The following KAZN variants were observed in gnomAD, a reference collection of about 807,000 sequenced individuals.
The protein encoded by KAZN is kazrin, periplakin interacting protein.
Under a neutral mutation model 87.4 loss-of-function variants are expected in KAZN, and 40 were observed. The ratio of observed to expected loss-of-function variants is 0.46; its 90% CI spans 0.36 to 0.60. The LOEUF (loss-of-function observed/expected upper bound fraction) is 0.60, where lower values mean the gene tolerates loss of function less well. Among genes scored for constraint, KAZN ranks in the 20% least tolerant of loss-of-function variants. The pLI is 0.00. For missense variants in KAZN, 898 were observed against 1,073.9 expected (o/e 0.84, Z 2.29); for synonymous variants, 466 against 458.3 (o/e 1.02, Z -0.22).
At chr1:14,464,597 G>C (rs180952716) in intron 2 of KAZN, among the ~76,000 whole-genome samples, 1 of 151,404 alleles carries the variant, frequency 6.6e-6, no homozygotes, top group East Asian at 2.0e-4. Context: ...GGAGTGCAGT[G>C]GCGTGATTTC....
intron 2 of KAZN, among the ~76,000 whole-genome samples, chr1:14,382,659 T>C (rs1661476556): frequency 6.8e-6 from 1 of 147,320 alleles, no homozygotes; most frequent in African/African-American, 2.5e-5. Context: ...GATCATTTTT[T>C]ATGGCTGCAT....
chr1:13,903,645 A>C (rs1639330019), intron 1 of KAZN, among the ~76,000 whole-genome samples: 1 of 152,214 alleles, frequency 6.6e-6, no homozygotes, highest in East Asian at 1.9e-4. Context: ...CATATAGTGA[A>C]GACGAGTTAG....
intron 2 of KAZN, among the ~76,000 whole-genome samples, chr1:14,301,416 G>T (rs1381962083): frequency 3.9e-5 from 6 of 152,140 alleles, no homozygotes; most frequent in Admixed American, 1.3e-4. Flanking sequence ...TCATCTACAG[G>T]TTTGCATGAT....
At chr1:14,538,821 G>C (rs1475592258) in intron 2 of KAZN, among the ~76,000 whole-genome samples, 2 of 152,128 alleles carry the variant, frequency 1.3e-5, no homozygotes, top group Non-Finnish European at 2.9e-5. Flanking sequence ...CTTAACACCA[G>C]AATGATAGCC....
chr1:14,722,735 A>G lies in KAZN; in HGVS notation c.226+123512A>G, dbSNP rs191192383. Among the ~76,000 whole-genome samples the G allele has an allele frequency of 3.2e-3, 485 of 152,272 alleles. 4 individuals carry two copies. Among genetic ancestry groups the G allele is most frequent in the African/African-American group, 0.011 (475 of 41,542 alleles). ...CTCGTGGCCTATGGTCTCAATAACCATCAACCCTTGGCCAGTCTTGCCCTA... is the reference window on the plus strand; with the variant it reads ...CTCGTGGCCTATGGTCTCAATAACCGTCAACCCTTGGCCAGTCTTGCCCTA... On this transcript the variant is annotated intron_variant, in intron 1 of 14. Transcript: ENST00000376030.
intron 2 of KAZN, among the ~76,000 whole-genome samples, chr1:14,229,134 G>A (rs1423772182): frequency 6.6e-6 from 1 of 152,154 alleles, no homozygotes; most frequent in East Asian, 1.9e-4. Flanking sequence ...CTTTAAAAAT[G>A]GGGAAAATAA....
At chr1:14,869,777 T>C (rs1159459318) in intron 1 of KAZN, among the ~76,000 whole-genome samples, 1 of 152,198 alleles carries the variant, frequency 6.6e-6, no homozygotes, top group Non-Finnish European at 1.5e-5. Context: ...AGCTTTCAGG[T>C]GAGACTCCCT....
At chr1:14,059,380 A>G (rs990170012) in intron 1 of KAZN, among the ~76,000 whole-genome samples, 2 of 152,214 alleles carry the variant, frequency 1.3e-5, no homozygotes, top group Non-Finnish European at 1.5e-5. Flanking sequence ...TCCAGAGGCC[A>G]AAGAACTTGG....
intron 1 of KAZN, among the ~76,000 whole-genome samples, chr1:14,079,407 T>G (rs61775669): frequency 0.15 from 23,127 of 152,276 alleles, 2,381 homozygotes; most frequent in Middle Eastern, 0.3. Flanking sequence ...AGAACTCACG[T>G]CAGAATCATC....
At position 15,094,370 on chromosome 1, in the gene KAZN, C is replaced by T. The variant is rs755462369; in HGVS notation, c.1413C>T (p.Asn471=). ...MPMYVKACTE[N]VKSGKVLLSL... ...TGTACGTCAAGGCCTGCACGGAGAA[C>T]GTGAAGAGCGGGAAGGTAGGCAACT... Residue 471 remains asparagine, a synonymous_variant, in exon 9 of 15, where the codon AAC becomes AAT. Transcript: ENST00000376030. This position sits in a 1 kb window ranked among gnomAD's most constrained non-coding sequence, Gnocchi z 4.5. 18 of 1,612,742 alleles carry T rather than the reference C, an allele frequency of 1.1e-5. No individual in the cohort carries two copies. The African/African-American group carries it at 1.6e-4, about 14-fold the overall frequency.
At chr1:14,682,897 C>T (rs1351741950) in intron 1 of KAZN, among the ~76,000 whole-genome samples, 2 of 152,206 alleles carry the variant, frequency 1.3e-5, no homozygotes, top group African/African-American at 4.8e-5. Flanking sequence ...CAGCTCTTCT[C>T]TCCCATTTGA....
chr1:14,231,065 GTAAGTGCTCAATAAAAACTAGAGGCTAT>G (rs1163421017), intron 2 of KAZN, among the ~76,000 whole-genome samples: 1 of 152,132 alleles, frequency 6.6e-6, no homozygotes, highest in East Asian at 1.9e-4. Flanking sequence ...CTACTATACA[GTAAGTGCTCAATAAAAACTAGAGGCTAT>G]TGGTTCTATT....
chr1:14,507,659 T>C (rs1340427066), intron 2 of KAZN, among the ~76,000 whole-genome samples: 4 of 152,142 alleles, frequency 2.6e-5, no homozygotes, highest in Non-Finnish European at 5.9e-5. Context: ...CTTCCCCAAA[T>C]TGAAACCGTA....
chr1:14,793,507 C>T (rs931162120), intron 1 of KAZN, among the ~76,000 whole-genome samples: 2 of 152,216 alleles, frequency 1.3e-5, no homozygotes, highest in Non-Finnish European at 2.9e-5. Flanking sequence ...ATTCACCTCT[C>T]TCCCTGTATC....
intron 2 of KAZN, among the ~76,000 whole-genome samples, chr1:14,198,556 C>T (rs1037325223): frequency 5.9e-5 from 9 of 152,004 alleles, no homozygotes; most frequent in African/African-American, 1.4e-4. Context: ...GCTGAGATTG[C>T]GCCATTGCAC....
chr1:14,376,201 T>C (rs1660906088), intron 2 of KAZN, among the ~76,000 whole-genome samples: 1 of 152,192 alleles, frequency 6.6e-6, no homozygotes, highest in South Asian at 2.1e-4. Context: ...CCCCCAAATG[T>C]GCATGGCCCT....
chr1:14,556,113 C>CTTT (rs542038883), intron 2 of KAZN, among the ~76,000 whole-genome samples: 1 of 140,252 alleles, frequency 7.1e-6, no homozygotes, highest in Non-Finnish European at 1.5e-5. Context: ...GTTCTTTTTA[C>CTTT]TTTTTTTTTT....
At chr1:15,108,865 A>G (rs1557804762) in intron 13 of KAZN, among the ~76,000 whole-genome samples, 1 of 152,186 alleles carries the variant, frequency 6.6e-6, no homozygotes, top group African/African-American at 2.4e-5. Flanking sequence ...GTGACTAGAA[A>G]TACTTAATAG....
chr1:15,030,341 C>T (rs904853665), intron 2 of KAZN, among the ~76,000 whole-genome samples: 14 of 152,252 alleles, frequency 9.2e-5, no homozygotes, highest in African/African-American at 2.9e-4. Flanking sequence ...AATCTCGGCT[C>T]GCTGCAACCT....
Sources: gnomAD v4.1 joint callset for allele counts (sites outside exome capture counted in the v4.1 genomes callset) on GRCh38, gnomAD v4.1.1 for gene constraint, Gnocchi (gnomAD v3.1) non-coding constraint, MANE v1.5 for transcripts, NCBI Gene and HGNC (gene_info 2026-07-23, HGNC 2026-07-21) for gene names.